PLCB4: variants seen among roughly 807,000 people sequenced by gnomAD.
PLCB4 encodes 1-phosphatidylinositol 4,5-bisphosphate phosphodiesterase beta-4.
Under a neutral mutation model 178.8 loss-of-function variants are expected in PLCB4, and 77 were observed. The observed-to-expected ratio is 0.43, with a 90% CI of 0.36 to 0.52. The LOEUF is 0.52. Ranked by LOEUF, PLCB4 falls within the 20% of genes least tolerant of loss-of-function variation. The probability of loss-of-function intolerance (pLI) is 0.00; values close to 1 mark genes in which losing one functional copy is unlikely to be tolerated. For missense variants in PLCB4, 1,024 were observed against 1,453.4 expected (o/e 0.70, Z 4.80); for synonymous variants, 496 against 490.8 (o/e 1.01, Z -0.14).
At chr20:9,478,817 A>T (rs1168074103) in intron 39 of PLCB4, 104 bp from the exon 40 acceptor site, 1 of 811,848 alleles carries the variant, frequency 1.2e-6, no homozygotes, top group Non-Finnish European at 2.1e-6. Context: ...AGTAGCAAGG[A>T]TGTGGTGACA....
chr20:9,174,731 G>C (rs1265462782), intron 2 of PLCB4, among the ~76,000 whole-genome samples: 1 of 152,078 alleles, frequency 6.6e-6, no homozygotes, highest in Non-Finnish European at 1.5e-5. Context: ...TTTGTCATCT[G>C]ACACTGGAAA....
At chr20:9,467,426 A>T (rs1240532285) in intron 35 of PLCB4, among the ~76,000 whole-genome samples, 2 of 150,236 alleles carry the variant, frequency 1.3e-5, no homozygotes, top group Non-Finnish European at 3.0e-5. Context: ...TTAAAGTATA[A>T]TAAAAAATAA....
intron 26 of PLCB4, among the ~76,000 whole-genome samples, chr20:9,420,851 A>G (rs2040581139): frequency 6.6e-6 from 1 of 152,224 alleles, no homozygotes; most frequent in East Asian, 1.9e-4. Context: ...GTAATGACAG[A>G]CAAATTCTAG....
At chr20:9,213,467 A>C (rs1226856392) in intron 2 of PLCB4, among the ~76,000 whole-genome samples, 1 of 152,114 alleles carries the variant, frequency 6.6e-6, no homozygotes, top group Non-Finnish European at 1.5e-5. Flanking sequence ...CTTTGAAGTT[A>C]ATTCACGTAG....
At chr20:9,120,116 G>A (rs2091907585) in intron 2 of PLCB4, among the ~76,000 whole-genome samples, 1 of 152,188 alleles carries the variant, frequency 6.6e-6, no homozygotes, top group Non-Finnish European at 1.5e-5. Context: ...CTCTAAGAAG[G>A]ATCCCTCCTT....
intron 2 of PLCB4, among the ~76,000 whole-genome samples, chr20:9,208,269 C>T (rs2093635659): frequency 6.6e-6 from 1 of 152,222 alleles, no homozygotes; most frequent in South Asian, 2.1e-4. Flanking sequence ...GTGCCTCAGT[C>T]TGCTCATCTA....
chr20:9,340,524 G>T (rs1568615389), intron 7 of PLCB4, among the ~76,000 whole-genome samples: 2 of 152,172 alleles, frequency 1.3e-5, no homozygotes, highest in Non-Finnish European at 2.9e-5. Flanking sequence ...TGTCCTTATT[G>T]TGGTGGTTTT....
At chr20:9,342,588 AT>A (rs1781103446) in intron 7 of PLCB4, among the ~76,000 whole-genome samples, 1 of 151,952 alleles carries the variant, frequency 6.6e-6, no homozygotes, top group Non-Finnish European at 1.5e-5. Flanking sequence ...TTGTTGACTA[AT>A]CTTTTAATGT....
At chr20:9,366,903 T>C (rs1469537442) in intron 9 of PLCB4, among the ~76,000 whole-genome samples, 1 of 152,240 alleles carries the variant, frequency 6.6e-6, no homozygotes, top group Non-Finnish European at 1.5e-5. Context: ...AACCCAGAAC[T>C]ACTGGGTGGA....
intron 3 of PLCB4, among the ~76,000 whole-genome samples, chr20:9,294,386 A>C (rs896010594): frequency 2.0e-5 from 3 of 151,880 alleles, no homozygotes; most frequent in African/African-American, 7.3e-5. Flanking sequence ...CTTAAGGATG[A>C]AGCTTGAAAA....
rs563011985 is a variant in PLCB4 at position 9,349,537 on chromosome 20, C to T, written c.369+10500C>T. On this transcript the variant is annotated intron_variant, in intron 7 of 39. Coordinates refer to ENST00000378473, the MANE Select transcript of PLCB4 (RefSeq NM_001377142.1). ...GTTTTAGAAATCATCCAGCCTCCTT[C>T]ACAGTTGTGTTTGAAATGCTGTGCT... Among the ~76,000 whole-genome samples, 11 of 152,346 alleles carry T rather than the reference C, an allele frequency of 7.2e-5. No homozygotes were observed. In the East Asian group the frequency reaches 2.1e-3, roughly 29 times the overall value.
chr20:9,318,048 G>T (rs925267122), intron 4 of PLCB4, among the ~76,000 whole-genome samples: 1 of 152,042 alleles, frequency 6.6e-6, no homozygotes, highest in Non-Finnish European at 1.5e-5. Flanking sequence ...TGCTCGGGAG[G>T]CTGAAGCAGA....
intron 2 of PLCB4, among the ~76,000 whole-genome samples, chr20:9,126,714 C>A (rs2146784979): frequency 6.6e-6 from 1 of 150,664 alleles, no homozygotes; most frequent in Admixed American, 6.6e-5. Context: ...AACAAACCAG[C>A]AGCAGCCTTG....
At chr20:9,443,211 A>G (rs887498512) in intron 30 of PLCB4, among the ~76,000 whole-genome samples, 3 of 152,234 alleles carry the variant, frequency 2.0e-5, no homozygotes, top group Non-Finnish European at 4.4e-5. Context: ...TGTGCTCAAT[A>G]GCACATTGCT....
At chr20:9,423,111 T>C (rs2040760287) in intron 27 of PLCB4, among the ~76,000 whole-genome samples, 1 of 152,214 alleles carries the variant, frequency 6.6e-6, no homozygotes, top group African/African-American at 2.4e-5. Flanking sequence ...CAGGAGTAGG[T>C]GTCTTAGAAT....
intron 7 of PLCB4, among the ~76,000 whole-genome samples, chr20:9,353,006 GC>G (rs997833418): frequency 4.6e-5 from 7 of 152,068 alleles, no homozygotes; most frequent in African/African-American, 1.7e-4. Context: ...AGAAAAAGAG[GC>G]CCCAGTTGCT....
chr20:9,365,702 T>G (rs752453410), intron 9 of PLCB4, among the ~76,000 whole-genome samples, 188 bp downstream of exon 9: 1 of 152,208 alleles, frequency 6.6e-6, no homozygotes, highest in Non-Finnish European at 1.5e-5. Context: ...TAAAACTGCA[T>G]TTTTTTGGTC....
At chr20:9,386,492 CA>C (rs1169557398) in intron 14 of PLCB4, among the ~76,000 whole-genome samples, 14 of 150,728 alleles carry the variant, frequency 9.3e-5, no homozygotes, top group Non-Finnish European at 1.0e-4. Context: ...TTTTTTAATT[CA>C]TTTTTTTTTG....
intron 3 of PLCB4, among the ~76,000 whole-genome samples, chr20:9,268,937 G>T (rs994460051): frequency 1.3e-5 from 2 of 152,132 alleles, no homozygotes; most frequent in Admixed American, 6.6e-5. Flanking sequence ...TCTGAACCTT[G>T]TCATCACCTA....
Sources: gnomAD v4.1 joint callset for allele counts (sites outside exome capture counted in the v4.1 genomes callset) on GRCh38, gnomAD v4.1.1 for gene constraint, MANE v1.5 for transcripts, NCBI Gene and HGNC (gene_info 2026-07-23, HGNC 2026-07-21) for gene names.